Variants in CLIC5 observed in about 807,000 individuals in gnomAD.
CLIC5 encodes CLIC family member 5.
CLIC5 carries 20 observed loss-of-function variants against 24.7 expected under a neutral mutation model. The observed-to-expected ratio is 0.81, with a 90% CI of 0.57 to 1.18. CLIC5 has a LOEUF of 1.18. CLIC5 is among the 50% of genes most tolerant of loss of function. The pLI, the probability that CLIC5 is intolerant of heterozygous loss-of-function variation, is 0.00. For synonymous variants in CLIC5, 159 were observed against 135.6 expected (o/e 1.17, Z -1.20); for missense variants, 341 against 326.1 (o/e 1.05, Z -0.35).
chr6:45,917,893 G>A (rs892847997), intron 4 of CLIC5, among the ~76,000 whole-genome samples: 19 of 152,292 alleles, frequency 1.2e-4, no homozygotes, highest in Middle Eastern at 3.4e-3. Context: ...TTAATTCCTC[G>A]TAAATATTTG....
At chr6:45,999,142 C>G (rs1218925338) in intron 1 of CLIC5, among the ~76,000 whole-genome samples, 1 of 152,172 alleles carries the variant, frequency 6.6e-6, no homozygotes, top group Non-Finnish European at 1.5e-5. Context: ...ATCAAAGAAT[C>G]AACTTTTAGA....
chr6:46,120,175 C>A, the CLIC5 span, among the ~76,000 whole-genome samples: 1 of 152,342 alleles, frequency 6.6e-6, no homozygotes, highest in South Asian at 2.1e-4. Context: ...ATCAGGGAGG[C>A]ACCCACCAGT....
chr6:45,969,474 C>T (rs1467493951), intron 1 of CLIC5, among the ~76,000 whole-genome samples: 1 of 126,482 alleles, frequency 7.9e-6, no homozygotes, highest in African/African-American at 2.9e-5. Context: ...CTCTATCCAA[C>T]TCCTTCAGAC....
At chr6:46,066,186 A>G (rs745809275) in intron 1 of CLIC5, among the ~76,000 whole-genome samples, 5 of 152,130 alleles carry the variant, frequency 3.3e-5, no homozygotes, top group Non-Finnish European at 7.4e-5. Context: ...CCAGGCAAAC[A>G]ATCAACCTAT....
chr6:46,089,068 A>G, the CLIC5 span, among the ~76,000 whole-genome samples: 1 of 152,196 alleles, frequency 6.6e-6, no homozygotes, highest in Non-Finnish European at 1.5e-5. Flanking sequence ...TGATCTATGC[A>G]TATTTAAATT....
At chr6:45,897,905 C>T (rs1158874199), downstream of CLIC5, among the ~76,000 whole-genome samples, 1 of 151,726 alleles carries the variant, frequency 6.6e-6, no homozygotes, top group African/African-American at 2.4e-5. Context: ...ATATGAGACA[C>T]TGAAAGAGCA....
chr6:46,086,955 G>C, the CLIC5 span, among the ~76,000 whole-genome samples: 4 of 152,158 alleles, frequency 2.6e-5, no homozygotes, highest in African/African-American at 9.7e-5. Flanking sequence ...GCCAGTCATT[G>C]AGTGGCCTTG....
chr6:45,897,337 C>G (rs1056599160), downstream of CLIC5, among the ~76,000 whole-genome samples: 1 of 152,162 alleles, frequency 6.6e-6, no homozygotes, highest in African/African-American at 2.4e-5. Context: ...CCACAGCCAG[C>G]AGGATGGCCC....
the CLIC5 span, among the ~76,000 whole-genome samples, chr6:46,123,555 T>C: frequency 7.2e-5 from 11 of 152,178 alleles, no homozygotes; most frequent in African/African-American, 2.4e-4. Context: ...CCACTCCTAT[T>C]CAACATAGTG....
Position 45,941,571 on chromosome 6 carries a change from T to A in CLIC5, c.382A>T (p.Asn128Tyr). ...CCAGCATTGTTCTGCTGCTTGGTAT[T>A]TTTGATGTAGGCAGAAAACTTGGAA... Reference protein sequence around the residue: ...IFSKFSAYIKNTKQQNNAALE... With the variant: ...IFSKFSAYIKYTKQQNNAALE... Residue 128 changes from asparagine (N) to tyrosine (Y), a missense_variant, in exon 4 of 6, where the codon AAT becomes TAT. Transcript: ENST00000339561. 1 of 1,613,686 alleles carries A rather than the reference T, an allele frequency of 6.2e-7. No homozygotes were observed. The highest frequency in any genetic ancestry group is 1.1e-5 in the South Asian group (1 of 91,036).
At chr6:46,097,796 T>C in the CLIC5 span, among the ~76,000 whole-genome samples, 1 of 152,242 alleles carries the variant, frequency 6.6e-6, no homozygotes, top group East Asian at 1.9e-4. Flanking sequence ...CTCTAGTACC[T>C]TCTGTTATAA....
chr6:45,975,001 A>G (rs1383728125), intron 1 of CLIC5, among the ~76,000 whole-genome samples: 1 of 152,236 alleles, frequency 6.6e-6, no homozygotes, highest in Non-Finnish European at 1.5e-5. Context: ...AGGATTACAG[A>G]TAAAGAATTG....
upstream of CLIC5, among the ~76,000 whole-genome samples, chr6:46,018,379 T>G (rs1767080891): frequency 6.6e-6 from 1 of 152,218 alleles, no homozygotes; most frequent in Non-Finnish European, 1.5e-5. Flanking sequence ...AAATATCTAC[T>G]GCTATTGTAA....
intron 1 of CLIC5, among the ~76,000 whole-genome samples, chr6:46,033,846 A>G (rs746194816): frequency 3.9e-5 from 6 of 152,226 alleles, no homozygotes; most frequent in Non-Finnish European, 7.3e-5. Context: ...ATTTTTAAAA[A>G]TCAACATTTG....
intron 1 of CLIC5, 35 bp downstream of exon 1, chr6:46,015,445 C>T (rs1175541618): frequency 4.1e-6 from 6 of 1,477,824 alleles, no homozygotes; most frequent in Admixed American, 2.2e-5. Context: ...GCGGGAGGCG[C>T]GGCAGGTGCG....
intron 5 of CLIC5, among the ~76,000 whole-genome samples, chr6:45,905,366 C>T (rs930100663): frequency 6.6e-6 from 1 of 152,116 alleles, no homozygotes; most frequent in African/African-American, 2.4e-5. Flanking sequence ...TCTCCACAGA[C>T]TAACCAACAT....
chr6:46,121,393 T>A, the CLIC5 span, among the ~76,000 whole-genome samples: 4 of 152,138 alleles, frequency 2.6e-5, no homozygotes, highest in Non-Finnish European at 5.9e-5. Flanking sequence ...AGAGATTTTG[T>A]CACCACCAGG....
upstream of CLIC5, among the ~76,000 whole-genome samples, chr6:46,081,444 T>C (rs141894838): frequency 3.0e-4 from 46 of 152,330 alleles, 1 homozygote; most frequent in East Asian, 8.7e-3. Context: ...CGTTGTACTC[T>C]TAGACTTCAA....
At chr6:45,960,771 C>T (rs73738310) in intron 1 of CLIC5, among the ~76,000 whole-genome samples, 3,187 of 152,286 alleles carry the variant, frequency 0.021, 89 homozygotes, top group African/African-American at 0.072. Flanking sequence ...GCATGCTGTA[C>T]CGATGCTGAT....
Sources: gnomAD v4.1 joint callset for allele counts (sites outside exome capture counted in the v4.1 genomes callset) on GRCh38, gnomAD v4.1.1 for gene constraint, MANE v1.5 for transcripts, NCBI Gene and HGNC (gene_info 2026-07-23, HGNC 2026-07-21) for gene names.